ASXL3: variants seen among roughly 807,000 people sequenced by gnomAD.
ASXL3 encodes putative Polycomb group protein ASXL3.
Under a neutral mutation model 170.6 loss-of-function variants are expected in ASXL3, and 34 were observed. That is an observed-to-expected ratio of 0.20 (90% CI 0.15 to 0.27). ASXL3 has a LOEUF of 0.27. Ranked by LOEUF, ASXL3 falls within the 10% of genes least tolerant of loss-of-function variation. The pLI, the probability that ASXL3 is intolerant of heterozygous loss-of-function variation, is 1.00. For synonymous variants in ASXL3, 1,002 were observed against 989.1 expected (o/e 1.01, Z -0.24); for missense variants, 2,592 against 2,695.3 (o/e 0.96, Z 0.85).
chr18:33,599,451 A>C (rs1217042740), intron 1 of ASXL3, among the ~76,000 whole-genome samples: 1 of 152,180 alleles, frequency 6.6e-6, no homozygotes, highest in Non-Finnish European at 1.5e-5. Context: ...TGGCAGCCAC[A>C]ACAGTTTGTT....
At chr18:33,617,514 G>A (rs2065445250) in intron 2 of ASXL3, among the ~76,000 whole-genome samples, 1 of 151,990 alleles carries the variant, frequency 6.6e-6, no homozygotes, top group Admixed American at 6.6e-5. Flanking sequence ...CAAATATAAT[G>A]TGTATGTTCA....
intron 8 of ASXL3, among the ~76,000 whole-genome samples, chr18:33,724,453 G>C (rs1265346231): frequency 6.6e-6 from 1 of 151,998 alleles, no homozygotes. Flanking sequence ...GAGGAATATA[G>C]TCTCTAGCAT....
At chr18:33,741,961 C>G (rs1211701612) in intron 11 of ASXL3, among the ~76,000 whole-genome samples, 15 of 152,176 alleles carry the variant, frequency 9.9e-5, no homozygotes, top group Non-Finnish European at 1.5e-5. Context: ...GACCTTGTGC[C>G]TCATGAATTT....
intron 5 of ASXL3, among the ~76,000 whole-genome samples, chr18:33,669,104 T>C (rs555432253): frequency 3.9e-5 from 6 of 152,314 alleles, no homozygotes; most frequent in African/African-American, 1.4e-4. Context: ...TATTCTGTTT[T>C]ATTATTGATT....
intron 8 of ASXL3, among the ~76,000 whole-genome samples, chr18:33,685,360 A>G (rs2145289969): frequency 6.6e-6 from 1 of 152,328 alleles, no homozygotes; most frequent in African/African-American, 2.4e-5. Context: ...CATTTTGTCA[A>G]ATAACACTTG....
chr18:33,684,826 ATCAGAG>A (rs2066568738), intron 8 of ASXL3, among the ~76,000 whole-genome samples: 1 of 152,198 alleles, frequency 6.6e-6, no homozygotes, highest in South Asian at 2.1e-4. Flanking sequence ...GAAGGGAAAT[ATCAGAG>A]TCAAATTTAA....
chr18:33,740,190 G>T lies in ASXL3; in HGVS notation c.2786G>T (p.Ser929Ile), dbSNP rs2067635969. ...GSRNKTHKQG[S>I]TQSRLETSHT... ...AGAAATAAAACACATAAGCAAGGGA[G>T]TACACAGAGTCGGTTAGAAACCTCA... The change falls in exon 11 of 12, where the codon AGT becomes ATT. Residue 929 changes from serine (S) to isoleucine (I), a missense_variant. Physicochemically the swap from Ser to Ile is moderately radical, Grantham distance 142. Transcript: ENST00000269197. 5 of 1,613,886 alleles carry T rather than the reference G, an allele frequency of 3.1e-6. No homozygotes were observed. The highest frequency in any genetic ancestry group is 1.3e-5 in the African/African-American group (1 of 75,046).
chr18:33,658,977 T>C (rs968086836), intron 4 of ASXL3, among the ~76,000 whole-genome samples: 2 of 152,210 alleles, frequency 1.3e-5, no homozygotes, highest in Middle Eastern at 3.4e-3. Context: ...TAAATAGATG[T>C]CAATCACTAT....
At chr18:33,580,346 G>C (rs931082607) in intron 1 of ASXL3, among the ~76,000 whole-genome samples, 4 of 152,184 alleles carry the variant, frequency 2.6e-5, no homozygotes, top group African/African-American at 7.2e-5. Flanking sequence ...CTTATTGTTT[G>C]CTCGGCCATT....
At chr18:33,589,803 G>A (rs1460164363) in intron 1 of ASXL3, among the ~76,000 whole-genome samples, 1 of 152,008 alleles carries the variant, frequency 6.6e-6, no homozygotes, top group South Asian at 2.1e-4. Flanking sequence ...AATAAAAATA[G>A]CAATAAGAAC....
Position 33,744,061 on chromosome 18 carries a change from G to C in ASXL3, c.4213G>C (p.Asp1405His). ...LSCSDSVAVT[D>H]SLVAHPTVAM... ...CTGCAGTGATTCTGTAGCGGTCACA[G>C]ACTCTCTGGTTGCACACCCGACCGT... Residue 1405 changes from aspartate to histidine, a missense_variant, in exon 12 of 12, where the codon GAC becomes CAC. Transcript: ENST00000269197. 1 of 1,614,014 alleles carries C rather than the reference G, an allele frequency of 6.2e-7. No homozygotes were observed. The highest frequency in any genetic ancestry group is 8.5e-7 in the Non-Finnish European group (1 of 1,179,906).
chr18:33,677,345 T>C (rs1230382971), intron 7 of ASXL3, among the ~76,000 whole-genome samples: 1 of 152,192 alleles, frequency 6.6e-6, no homozygotes, highest in Non-Finnish European at 1.5e-5. Flanking sequence ...CATTTCTTAC[T>C]GTGTATCTAT....
chr18:33,591,263 T>C (rs756282222), intron 1 of ASXL3, among the ~76,000 whole-genome samples: 2 of 152,178 alleles, frequency 1.3e-5, no homozygotes, highest in Non-Finnish European at 2.9e-5. Context: ...TTTAACACAT[T>C]TTACTTAGCT....
At chr18:33,625,455 C>T (rs1253374574) in intron 2 of ASXL3, among the ~76,000 whole-genome samples, 2 of 152,164 alleles carry the variant, frequency 1.3e-5, no homozygotes, top group Admixed American at 6.6e-5. Context: ...CTTCATATTA[C>T]TAAGCAACCA....
In ASXL3 at chr18:33,745,967, C is replaced by G; in HGVS notation, c.6119C>G (p.Pro2040Arg). Residue 2040 changes from proline (P) to arginine (R), a missense_variant, in exon 12 of 12, where the codon CCG becomes CGG. This residue lies in a region of ASXL3 where 2,246 missense variants were observed against 2,219.6 expected (regional missense o/e 1.01). Transcript: ENST00000269197. Reference protein sequence around the residue: ...ALPPPPPPPPPLPPPLPNAEV... With the variant: ...ALPPPPPPPPRLPPPLPNAEV... ...CCCCCGCCTCCCCCCCCACCACCTCCGCTACCTCCACCTCTCCCTAATGCA... is the reference window on the plus strand; with the variant it reads ...CCCCCGCCTCCCCCCCCACCACCTCGGCTACCTCCACCTCTCCCTAATGCA... 1 of 1,571,082 alleles carries G rather than the reference C, an allele frequency of 6.4e-7. No homozygotes were observed. Among genetic ancestry groups the G allele is most frequent in the Non-Finnish European group, 8.6e-7 (1 of 1,159,712 alleles).
chr18:33,675,961 C>T (rs920173204), intron 7 of ASXL3, among the ~76,000 whole-genome samples: 3 of 151,934 alleles, frequency 2.0e-5, no homozygotes, highest in Non-Finnish European at 4.4e-5. Context: ...TGCAGTGGCT[C>T]ACACCTGTAA....
In ASXL3 at chr18:33,745,169, A is replaced by C. The variant is rs2145431727; in HGVS notation, c.5321A>C (p.Glu1774Ala). Residue 1774 changes from glutamate (E) to alanine (A), a missense_variant, in exon 12 of 12, where the codon GAA (glutamate) becomes GCA (alanine). Glu to Ala is a moderately radical substitution (Grantham distance 107). This residue lies in a region of ASXL3 where 2,246 missense variants were observed against 2,219.6 expected (regional missense o/e 1.01). Coordinates refer to ENST00000269197, the MANE Select transcript of ASXL3 (RefSeq NM_030632.3). ...LPQPRLGAKL[E>A]INRLPLPLQT... Reference sequence around the variant, plus strand: ...CAGCCCAGATTGGGAGCCAAGCTTGAAATCAACAGGCTTCCATTGCCTCTT... The same window carrying C: ...CAGCCCAGATTGGGAGCCAAGCTTGCAATCAACAGGCTTCCATTGCCTCTT... 2 of 1,613,988 alleles carry C rather than the reference A, an allele frequency of 1.2e-6. No individual in the cohort carries two copies. Among genetic ancestry groups the C allele is most frequent in the Non-Finnish European group, 1.7e-6 (2 of 1,179,882 alleles).
chr18:33,641,103 G>A (rs968240388), intron 2 of ASXL3, among the ~76,000 whole-genome samples: 6 of 151,856 alleles, frequency 4.0e-5, no homozygotes, highest in Non-Finnish European at 7.4e-5. Context: ...GCATTCCCCA[G>A]GTATTCTGTC....
intron 1 of ASXL3, among the ~76,000 whole-genome samples, chr18:33,597,062 G>A (rs1035310106): frequency 3.3e-5 from 5 of 152,190 alleles, no homozygotes; most frequent in Admixed American, 6.5e-5. Context: ...CGATCTGCCC[G>A]CCTTGGCCTC....
Sources: allele counts gnomAD v4.1 joint callset (sites outside exome capture counted in the v4.1 genomes callset), GRCh38; gene constraint gnomAD v4.1.1; regional missense constraint gnomAD v4.1.1; transcripts MANE v1.5; gene names NCBI Gene and HGNC (gene_info 2026-07-23, HGNC 2026-07-21).